ARID2: variants seen among roughly 807,000 people sequenced by gnomAD.
The protein encoded by ARID2 is AT-rich interactive domain-containing protein 2.
In ARID2, 32 loss-of-function variants were observed where a neutral mutation model predicts 184.6. The observed-to-expected ratio is 0.17, with a 90% CI of 0.13 to 0.23. The LOEUF is 0.23. Among genes scored for constraint, ARID2 ranks in the 10% least tolerant of loss-of-function variants. The pLI, the probability that ARID2 is intolerant of heterozygous loss-of-function variation, is 1.00. For synonymous variants in ARID2, 836 were observed against 772.6 expected (o/e 1.08, Z -1.36); for missense variants, 1,696 against 2,197.6 (o/e 0.77, Z 4.56).
intron 6 of ARID2, among the ~76,000 whole-genome samples, chr12:45,823,947 A>G (rs1942945235): frequency 1.3e-5 from 2 of 152,158 alleles, no homozygotes; most frequent in African/African-American, 4.8e-5. Flanking sequence ...GGCCAATACT[A>G]CTCTGATACC....
chr12:45,799,801 T>C (rs1565600725), intron 3 of ARID2, among the ~76,000 whole-genome samples: 1 of 152,202 alleles, frequency 6.6e-6, no homozygotes, highest in Non-Finnish European at 1.5e-5. Flanking sequence ...ACACATTACA[T>C]AAATTACCCC....
chr12:45,861,675 C>G (rs938345714), intron 16 of ARID2, among the ~76,000 whole-genome samples: 1 of 151,060 alleles, frequency 6.6e-6, no homozygotes, highest in Non-Finnish European at 1.5e-5. Context: ...ACCTCCACCT[C>G]CTAGGTTCAA....
intron 2 of ARID2, among the ~76,000 whole-genome samples, chr12:45,730,822 C>T (rs1285162282): frequency 3.3e-5 from 5 of 151,538 alleles, no homozygotes; most frequent in African/African-American, 9.7e-5. Flanking sequence ...GCCCCGGCCC[C>T]CCCCCCAACC....
At chr12:45,854,732 G>A (rs1199150554) in intron 15 of ARID2, among the ~76,000 whole-genome samples, 1 of 152,076 alleles carries the variant, frequency 6.6e-6, no homozygotes, top group Non-Finnish European at 1.5e-5. Context: ...CTCATTTTTT[G>A]TACCCTTAAT....
intron 11 of ARID2, among the ~76,000 whole-genome samples, chr12:45,842,525 A>C (rs1943368938): frequency 6.6e-6 from 1 of 151,972 alleles, no homozygotes; most frequent in Non-Finnish European, 1.5e-5. Context: ...TTGGGAGGCC[A>C]AGGCGGGCAG....
At chr12:45,862,650 C>T (rs536670237) in intron 16 of ARID2, among the ~76,000 whole-genome samples, 1 of 152,234 alleles carries the variant, frequency 6.6e-6, no homozygotes, top group African/African-American at 2.4e-5. Flanking sequence ...TCGAGTCTAG[C>T]TTGGGCAACA....
At chr12:45,879,331 T>C (rs1469030297) in intron 16 of ARID2, among the ~76,000 whole-genome samples, 1 of 152,126 alleles carries the variant, frequency 6.6e-6, no homozygotes, top group Non-Finnish European at 1.5e-5. Flanking sequence ...AAGAGAACAG[T>C]CTGGGCATAT....
At chr12:45,841,994 A>G (rs2138142007) in intron 11 of ARID2, 1 of 152,246 alleles carries the variant, frequency 6.6e-6, no homozygotes, top group East Asian at 1.9e-4. Flanking sequence ...ACTGTGGCTT[A>G]CACCTATAAT....
chr12:45,766,008 T>C (rs1438496592), intron 3 of ARID2, among the ~76,000 whole-genome samples: 2 of 152,216 alleles, frequency 1.3e-5, no homozygotes, highest in Non-Finnish European at 2.9e-5. Context: ...CATTTTTATT[T>C]TATTGCTGAG....
intron 10 of ARID2, 21 bp downstream of exon 10, chr12:45,837,728 A>G (rs753892377): frequency 6.2e-7 from 1 of 1,601,774 alleles, no homozygotes; most frequent in Non-Finnish European, 8.5e-7. Flanking sequence ...ACCAAAAAAC[A>G]CTTATTTTCT....
chr12:45,831,724 A>G (rs12317144), intron 6 of ARID2, among the ~76,000 whole-genome samples: 3,157 of 152,208 alleles, frequency 0.021, 115 homozygotes, highest in African/African-American at 0.072. Flanking sequence ...TTGTTCTACA[A>G]TTTCCTGAGA....
At chr12:45,898,807 C>T (rs566998618) in intron 20 of ARID2, among the ~76,000 whole-genome samples, 4 of 151,878 alleles carry the variant, frequency 2.6e-5, no homozygotes, top group Non-Finnish European at 5.9e-5. Context: ...ATCCCAGCTA[C>T]TCAGGCTGAG....
intron 11 of ARID2, chr12:45,842,375 A>C (rs1156467362): frequency 6.6e-6 from 1 of 151,946 alleles, no homozygotes; most frequent in Admixed American, 6.6e-5. Context: ...ACACACATAT[A>C]TAAAACACAC....
chr12:45,754,300 C>T (rs1309497672), intron 3 of ARID2, among the ~76,000 whole-genome samples: 2 of 152,188 alleles, frequency 1.3e-5, no homozygotes, highest in Non-Finnish European at 2.9e-5. Context: ...ATTAGTAGGT[C>T]GTAAAAGGCC....
chr12:45,868,300 G>A (rs576186732), intron 16 of ARID2, among the ~76,000 whole-genome samples: 57 of 152,258 alleles, frequency 3.7e-4, no homozygotes, highest in Admixed American at 3.2e-3. Flanking sequence ...AATTAGCTAG[G>A]CATGGTGGCG....
chr12:45,746,269 C>G (rs778320329), intron 3 of ARID2, among the ~76,000 whole-genome samples: 12 of 151,982 alleles, frequency 7.9e-5, no homozygotes, highest in Non-Finnish European at 1.8e-4. Context: ...TGCCACCATA[C>G]CTGGCTGATG....
intron 16 of ARID2, among the ~76,000 whole-genome samples, chr12:45,880,262 A>G (rs900172094): frequency 6.6e-5 from 10 of 152,234 alleles, no homozygotes; most frequent in Non-Finnish European, 1.2e-4. Flanking sequence ...CATTATTGAA[A>G]GTCAAACCAG....
chr12:45,844,593 G>T (rs551452893), intron 11 of ARID2, among the ~76,000 whole-genome samples: 2 of 152,250 alleles, frequency 1.3e-5, no homozygotes, highest in South Asian at 4.2e-4. Flanking sequence ...GGATACTAAT[G>T]TTTCTAATTC....
At chr12:45,884,583 T>C (rs1944156929) in intron 16 of ARID2, among the ~76,000 whole-genome samples, 2 of 152,190 alleles carry the variant, frequency 1.3e-5, no homozygotes, top group Admixed American at 6.5e-5. Context: ...CTATGTAAAA[T>C]AAGTGACTGC....
Sources: allele counts gnomAD v4.1 joint callset (sites outside exome capture counted in the v4.1 genomes callset), GRCh38; gene constraint gnomAD v4.1.1; transcripts MANE v1.5; gene names NCBI Gene and HGNC (gene_info 2026-07-23, HGNC 2026-07-21).